The following FAT1 variants were observed in gnomAD, a reference collection of about 807,000 sequenced individuals.
FAT1 encodes protocadherin Fat 1.
FAT1 carries 171 observed loss-of-function variants against 329.8 expected under a neutral mutation model. That is an observed-to-expected ratio of 0.52 (90% CI 0.46 to 0.59). The LOEUF is 0.59. FAT1 is among the 20% of genes least tolerant of loss of function. The pLI, the probability that FAT1 is intolerant of heterozygous loss-of-function variation, is 0.00. For synonymous variants in FAT1, 2,233 were observed against 2,228.6 expected, an observed-to-expected ratio of 1.00 and a Z score of -0.06; for missense variants, 5,672 against 5,774.4, an observed-to-expected ratio of 0.98 and a Z score of 0.57.
In FAT1 at chr4:186,708,682, G is replaced by T. The variant is rs371822287; in HGVS notation, c.1146C>A (p.Pro382=). The change falls in exon 2 of 27, where the codon CCC becomes CCA. Residue 382 remains proline, a synonymous_variant. Transcript: ENST00000441802. ...CCTTTACCATGACCACAGGTGTGTTGGGAGGAGCAAATTCACTTATTTCTG... is the reference window on the plus strand; with the variant it reads ...CCTTTACCATGACCACAGGTGTGTTTGGAGGAGCAAATTCACTTATTTCTG... The part of the protein sequence containing the change: ...YRAEISEFAP[P]NTPVVMVKAI... The T allele has an allele frequency of 1.2e-3, 1,899 of 1,613,806 alleles. 14 individuals are homozygous for T. Among genetic ancestry groups the T allele is most frequent in the South Asian group, 7.8e-3 (714 of 91,072 alleles).
intron 16 of FAT1, among the ~76,000 whole-genome samples, chr4:186,608,359 T>C (rs1027983245): frequency 1.8e-4 from 27 of 152,314 alleles, no homozygotes; most frequent in Non-Finnish European, 3.5e-4. Context: ...ATGGTTGTTA[T>C]ACTGCGGGTC....
chr4:186,697,920 T>C (rs1200091455), intron 2 of FAT1, among the ~76,000 whole-genome samples: 4 of 152,180 alleles, frequency 2.6e-5, no homozygotes, highest in Admixed American at 2.6e-4. Context: ...ACTGAGCCCC[T>C]TGGTATTGAA....
rs373667497 is a variant in FAT1, at chr4:186,603,807, G to A, written c.10719C>T (p.Asp3573=). The A allele has an allele frequency of 3.3e-5, 54 of 1,613,892 alleles. No individual in the cohort carries two copies. In the Middle Eastern group the frequency reaches 6.6e-4, roughly 20 times the overall value. ...VIGKIHATDQ[D]VYDTLTYSLD... ...GACTGTAGGTTAGAGTATCATACAC[G>A]TCCTGGTCTGTGGCATGGATCTTCC... The change falls in exon 19 of 27, where the codon GAC becomes GAT. Residue 3573 remains aspartate, a synonymous_variant. Transcript: ENST00000441802.
chr4:186,600,180 GAGT>G lies in FAT1; in HGVS notation c.11818_11820del (p.Thr3940del). Reference sequence around the variant, plus strand: ...TAGTTATCCAGGTTCAGGGTTTTCAGAGTCCCTGGGGCTGTGCCCGATGCAGTA... The same window carrying G: ...TAGTTATCCAGGTTCAGGGTTTTCAGCCCTGGGGCTGTGCCCGATGCAGTA... On this transcript the variant is annotated inframe_deletion, in exon 22 of 27. Transcript: ENST00000441802. 1.2e-6 allele frequency: 2 copies of G among 1,614,078 alleles called. No individual in the cohort carries two copies. The highest frequency in any genetic ancestry group is 1.7e-6 in the Non-Finnish European group (2 of 1,179,904).
At position 186,682,526 on chromosome 4, in the gene FAT1, C is replaced by CA. The variant is rs10561120; in HGVS notation, c.3266-18914dup. Reference sequence around the variant, plus strand: ...TGAGTGAAAGAGCGAGACTCTGTCTCAAAAAAAAAAAAAAAAAAGAAAGTT... The same window carrying CA: ...TGAGTGAAAGAGCGAGACTCTGTCTCAAAAAAAAAAAAAAAAAAAGAAAGTT... On this transcript the variant is annotated intron_variant, in intron 2 of 26. Transcript: ENST00000441802. Among the ~76,000 whole-genome samples the CA allele has an allele frequency of 9.9e-4, 118 of 119,726 alleles. 3 individuals carry two copies. In the East Asian group the frequency reaches 0.012, roughly 12 times the overall value. The allele number at this position is 119,726 out of a possible 152,430, so 78.5% of individuals were successfully genotyped here.
chr4:186,627,185 T>C (rs1379701706), intron 9 of FAT1, among the ~76,000 whole-genome samples: 1 of 92,350 alleles, frequency 1.1e-5, no homozygotes, highest in Non-Finnish European at 2.2e-5. Flanking sequence ...AATGAATGAA[T>C]GAGGGACCAA....
rs191791681 is a variant in FAT1 at position 186,594,135 on chromosome 4, A to G, written c.13138+1554T>C. 7.6e-3 allele frequency among the ~76,000 whole-genome samples: 1,152 copies of G among 151,838 alleles called. 14 individuals carry two copies. Among genetic ancestry groups the G allele is most frequent in the African/African-American group, 0.026 (1,096 of 41,388 alleles). On this transcript the variant is annotated intron_variant, in intron 26 of 26. Transcript: ENST00000441802. ...GGCTGGAGTGCAGTGGCGTGACCTC[A>G]GCTCACTGCAAGCTACAACTCCCGG...
At chr4:186,609,731 T>C (rs1739309709) in intron 15 of FAT1, 70 bp downstream of exon 15, 1 of 1,103,238 alleles carries the variant, frequency 9.1e-7, no homozygotes, top group African/African-American at 1.6e-5. Context: ...ACTAGATTGA[T>C]TTTACTAAAA....
intron 26 of FAT1, chr4:186,592,558 T>G (rs1405203321): frequency 2.6e-6 from 1 of 389,294 alleles, no homozygotes; most frequent in Non-Finnish European, 5.1e-6. Context: ...TATACACACC[T>G]GCATAAAATA....
chr4:186,636,156 G>A lies in FAT1; in HGVS notation c.4052C>T (p.Pro1351Leu), dbSNP rs761227936. 5.0e-6 allele frequency: 8 copies of A among 1,613,950 alleles called. No individual in the cohort carries two copies. The highest frequency in any genetic ancestry group is 2.2e-5 in the South Asian group (2 of 91,076). Residue 1351 changes from proline (P) to leucine (L), a missense_variant, in exon 6 of 27, where the codon CCG (proline) becomes CTG (leucine). Pro to Leu is a moderately conservative substitution (Grantham distance 98). Around this residue, in one of 2 missense-constraint regions of FAT1, gnomAD observed 3,966 missense variants for 3,915.2 expected, o/e 1.01. Transcript: ENST00000441802. ...TTCAAATGAAATGGGCTCCAGGGAC[G>A]GTTTGGGCTTGGAGATCCATTCAAT... ...LHIEWISKPKPSLEPISFEES... is the reference protein window; with the variant it reads ...LHIEWISKPKLSLEPISFEES...
chr4:186,661,111 T>C (rs1024005386), intron 3 of FAT1, among the ~76,000 whole-genome samples: 1 of 152,212 alleles, frequency 6.6e-6, no homozygotes, highest in East Asian at 1.9e-4. Flanking sequence ...AGATATGACA[T>C]ATACGTGTGT....
chr4:186,695,244 G>T lies in FAT1; in HGVS notation c.3265+11319C>A, dbSNP rs150586784. 1.4e-3 allele frequency among the ~76,000 whole-genome samples: 220 copies of T among 152,276 alleles called. 1 individual carries two copies. Among genetic ancestry groups the T allele is most frequent in the Middle Eastern group, 6.8e-3 (2 of 294 alleles). The stretch of plus-strand genomic sequence containing the variant: ...AACAAAAGAAATACTTTTCAATCCA[G>T]AGGATGATACAGGCAATAGCACTAC... On this transcript the variant is annotated intron_variant, in intron 2 of 26. Coordinates refer to ENST00000441802, the MANE Select transcript of FAT1 (RefSeq NM_005245.4).
At chr4:186,592,868 G>A (rs1738312624) in intron 26 of FAT1, 5 of 416,822 alleles carry the variant, frequency 1.2e-5, no homozygotes, top group South Asian at 5.3e-5. Flanking sequence ...ACCGATGAGT[G>A]CTTTAATACA....
intron 2 of FAT1, among the ~76,000 whole-genome samples, chr4:186,685,483 C>A (rs183112033): frequency 2.9e-4 from 44 of 152,228 alleles, no homozygotes; most frequent in African/African-American, 7.9e-4. Context: ...GCATATGTGG[C>A]CTGGGGTTGC....
chr4:186,650,944 G>C (rs529663050), intron 3 of FAT1, among the ~76,000 whole-genome samples: 2 of 151,892 alleles, frequency 1.3e-5, no homozygotes, highest in Non-Finnish European at 2.9e-5. Flanking sequence ...AACACCACTG[G>C]TCCAGGGTCA....
At chr4:186,613,877 A>C (rs1739580680) in intron 12 of FAT1, among the ~76,000 whole-genome samples, 1 of 152,232 alleles carries the variant, frequency 6.6e-6, no homozygotes, top group African/African-American at 2.4e-5. Context: ...AATAAAATGG[A>C]TAAAAAGCAG....
At chr4:186,682,255 G>C (rs994420855) in intron 2 of FAT1, among the ~76,000 whole-genome samples, 3 of 152,224 alleles carry the variant, frequency 2.0e-5, no homozygotes, top group Non-Finnish European at 2.9e-5. Context: ...AGCCGGGCGC[G>C]GTGGCTCACG....
intron 1 of FAT1, among the ~76,000 whole-genome samples, chr4:186,715,158 C>T (rs1053025332): frequency 6.7e-6 from 1 of 149,958 alleles, no homozygotes. Context: ...TGGCACTGTT[C>T]CATCCCCTAA....
chr4:186,685,403 T>C (rs1410779198), intron 2 of FAT1, among the ~76,000 whole-genome samples: 1 of 152,190 alleles, frequency 6.6e-6, no homozygotes, highest in Admixed American at 6.5e-5. Flanking sequence ...ATATGAAGGT[T>C]AAAAATTCCT....
Sources: allele counts gnomAD v4.1 joint callset (sites outside exome capture counted in the v4.1 genomes callset), GRCh38; gene constraint gnomAD v4.1.1; regional missense constraint gnomAD v4.1.1; transcripts MANE v1.5; gene names NCBI Gene and HGNC (gene_info 2026-07-23, HGNC 2026-07-21).